Variants in PARD3B observed in about 807,000 individuals in gnomAD.
PARD3B encodes par-3 family cell polarity regulator beta.
In PARD3B, 103 loss-of-function variants were observed where a neutral mutation model predicts 130.2. That is an observed-to-expected ratio of 0.79 (90% CI 0.67 to 0.93). The LOEUF (loss-of-function observed/expected upper bound fraction) is 0.93, where lower values mean the gene tolerates loss of function less well. Ranked by LOEUF, PARD3B falls within the 40% of genes least tolerant of loss-of-function variation. The pLI is 0.00. For missense variants in PARD3B, 1,609 were observed against 1,499.2 expected (o/e 1.07, Z -1.21); for synonymous variants, 583 against 553.2 (o/e 1.05, Z -0.76).
intron 1 of PARD3B, among the ~76,000 whole-genome samples, chr2:204,592,847 C>T (rs967432212): frequency 1.3e-5 from 2 of 152,182 alleles, no homozygotes; most frequent in African/African-American, 4.8e-5. Context: ...GTTGCCCACT[C>T]TGGACATTTC....
chr2:205,148,881 G>A (rs2125690459), intron 10 of PARD3B, among the ~76,000 whole-genome samples: 1 of 152,262 alleles, frequency 6.6e-6, no homozygotes, highest in South Asian at 2.1e-4. Context: ...GGTTGCTCGT[G>A]CTGAGCCAAG....
At chr2:205,049,403 A>G (rs745768556) in intron 4 of PARD3B, among the ~76,000 whole-genome samples, 1 of 152,152 alleles carries the variant, frequency 6.6e-6, no homozygotes, top group African/African-American at 2.4e-5. Flanking sequence ...CTCACTCACT[A>G]TTACAAGAAC....
At chr2:204,641,487 A>G (rs550124042) in intron 1 of PARD3B, among the ~76,000 whole-genome samples, 1 of 152,148 alleles carries the variant, frequency 6.6e-6, no homozygotes, top group African/African-American at 2.4e-5. Context: ...TTTTGCACCT[A>G]AATTAGTGTT....
At chr2:205,239,264 A>G (rs926024317) in intron 15 of PARD3B, among the ~76,000 whole-genome samples, 2 of 152,068 alleles carry the variant, frequency 1.3e-5, no homozygotes, top group Non-Finnish European at 2.9e-5. Context: ...TCTAGGTGCT[A>G]AAAGGCATTT....
At chr2:205,387,401 T>G (rs1055482427) in intron 18 of PARD3B, among the ~76,000 whole-genome samples, 5 of 152,194 alleles carry the variant, frequency 3.3e-5, no homozygotes, top group Admixed American at 6.6e-5. Context: ...TTCTTTCTTT[T>G]CTTTCTTACT....
At position 205,116,906 on chromosome 2, in the gene PARD3B, A is replaced by G. The variant is rs553787506; in HGVS notation, c.681-2015A>G. On this transcript the variant is annotated intron_variant, in intron 6 of 22. Coordinates refer to ENST00000406610, the MANE Select transcript of PARD3B (RefSeq NM_001302769.2). The surrounding 1 kb of genome is among the most constrained non-coding windows in gnomAD (Gnocchi z 4.5). ...CAGTGAGGTTCACATAGCATACTCC[A>G]GCTGTAATATGCCAGCTAAATTGCA... Among the ~76,000 whole-genome samples the G allele has an allele frequency of 9.2e-5, 14 of 152,342 alleles. No individual in the cohort carries two copies. Among genetic ancestry groups the G allele is most frequent in the Non-Finnish European group, 1.3e-4 (9 of 68,032 alleles).
chr2:204,591,806 T>G (rs774108214), intron 1 of PARD3B, among the ~76,000 whole-genome samples: 1 of 152,172 alleles, frequency 6.6e-6, no homozygotes, highest in African/African-American at 2.4e-5. Context: ...TTTACATATT[T>G]TTTAGTTGCT....
rs573367525 is a variant in PARD3B at position 204,923,170 on chromosome 2, G to T, written c.223-41982G>T. Among the ~76,000 whole-genome samples the T allele has an allele frequency of 4.6e-5, 7 of 152,146 alleles. No homozygotes were observed. The South Asian group carries it at 1.4e-3, about 32-fold the overall frequency. On this transcript the variant is annotated intron_variant, in intron 2 of 22. Coordinates refer to ENST00000406610, the MANE Select transcript of PARD3B (RefSeq NM_001302769.2). ...TTATATCAAGTGCTGAGACGAGAAA[G>T]TATTGACAATATCTGAATGATTATC...
intron 10 of PARD3B, among the ~76,000 whole-genome samples, chr2:205,157,497 G>C (rs922988059): frequency 6.6e-6 from 1 of 152,114 alleles, no homozygotes; most frequent in East Asian, 1.9e-4. Context: ...TCTCTATTTG[G>C]GGAGGGGTTG....
chr2:205,409,743 A>G (rs6725078), intron 19 of PARD3B, among the ~76,000 whole-genome samples: 4,349 of 152,236 alleles, frequency 0.029, 196 homozygotes, highest in African/African-American at 0.098. Flanking sequence ...AAATAATTTT[A>G]AATATTTTTA....
intron 8 of PARD3B, 31 bp from the exon 9 acceptor site, chr2:205,124,296 G>A: frequency 2.1e-6 from 3 of 1,461,244 alleles, no homozygotes; most frequent in Non-Finnish European, 2.7e-6. Flanking sequence ...TGCTTAAGAT[G>A]ACTATACATT....
intron 5 of PARD3B, among the ~76,000 whole-genome samples, chr2:205,113,218 T>A (rs937514029): frequency 3.3e-5 from 5 of 152,206 alleles, no homozygotes; most frequent in Non-Finnish European, 7.4e-5. Flanking sequence ...CAGATTAAGT[T>A]AAGTAGGAAG....
chr2:204,899,155 T>A (rs959979522), intron 2 of PARD3B, among the ~76,000 whole-genome samples: 19 of 152,184 alleles, frequency 1.2e-4, no homozygotes, highest in Admixed American at 7.9e-4. Context: ...TTTTGTTATT[T>A]GTTTTTTAGT....
intron 15 of PARD3B, among the ~76,000 whole-genome samples, chr2:205,228,190 C>A (rs920074644): frequency 6.6e-6 from 1 of 152,152 alleles, no homozygotes; most frequent in Non-Finnish European, 1.5e-5. Context: ...CTTAACATTA[C>A]TAGTGAGTTT....
At chr2:205,029,036 C>G (rs1559368531) in intron 3 of PARD3B, among the ~76,000 whole-genome samples, 1 of 152,066 alleles carries the variant, frequency 6.6e-6, no homozygotes, top group Non-Finnish European at 1.5e-5. Flanking sequence ...GAATATGAAG[C>G]AGGAAAGTGC....
chr2:204,801,918 A>G (rs6751572), intron 2 of PARD3B, among the ~76,000 whole-genome samples: 43,537 of 152,122 alleles, frequency 0.29, 10,327 homozygotes, highest in African/African-American at 0.65. Context: ...AGCATGAAGC[A>G]GTGTTGAATT....
intron 2 of PARD3B, among the ~76,000 whole-genome samples, chr2:204,761,734 G>A (rs535629606): frequency 3.3e-5 from 5 of 152,022 alleles, no homozygotes; most frequent in African/African-American, 1.2e-4. Flanking sequence ...ATGTTCATCT[G>A]GATTTTATGT....
chr2:204,824,116 G>A (rs2125551532), intron 2 of PARD3B, among the ~76,000 whole-genome samples: 1 of 152,244 alleles, frequency 6.6e-6, no homozygotes, highest in South Asian at 2.1e-4. Context: ...AAGGTTTCAA[G>A]GCATCAAGTT....
chr2:204,575,705 T>C (rs1042726981), intron 1 of PARD3B, among the ~76,000 whole-genome samples: 4 of 152,246 alleles, frequency 2.6e-5, no homozygotes, highest in African/African-American at 9.6e-5. Context: ...TGGAGCTGAC[T>C]GGAGTCAGCA....
Sources: allele counts gnomAD v4.1 joint callset (sites outside exome capture counted in the v4.1 genomes callset), GRCh38; gene constraint gnomAD v4.1.1; non-coding constraint Gnocchi (gnomAD v3.1); transcripts MANE v1.5; gene names NCBI Gene and HGNC (gene_info 2026-07-23, HGNC 2026-07-21).